The following DMWD variants were observed in gnomAD, a reference collection of about 807,000 sequenced individuals.
DMWD encodes the protein dystrophia myotonica WD repeat-containing protein.
In DMWD, 19 loss-of-function variants were observed where a neutral mutation model predicts 45.8. That is an observed-to-expected ratio of 0.41 (90% CI 0.29 to 0.61). DMWD has a LOEUF of 0.61. Ranked by LOEUF, DMWD falls within the 20% of genes least tolerant of loss-of-function variation. The pLI, the probability that DMWD is intolerant of heterozygous loss-of-function variation, is 0.25. For synonymous variants in DMWD, 515 were observed against 440.5 expected (o/e 1.17, Z -2.12); for missense variants, 802 against 965.2 (o/e 0.83, Z 2.24).
At position 45,786,235 on chromosome 19, in the gene DMWD, G is replaced by A. The variant is rs1334799004; in HGVS notation, c.1261C>T (p.Leu421=). 6.2e-7 allele frequency: 1 copy of A among 1,610,706 alleles called. No homozygotes were observed. Among genetic ancestry groups the A allele is most frequent in the South Asian group, 1.1e-5 (1 of 90,894 alleles). The change falls in exon 3 of 5, where the codon CTG becomes TTG. Residue 421 remains leucine (L), a synonymous_variant. Coordinates refer to ENST00000270223, the MANE Select transcript of DMWD (RefSeq NM_004943.2). Reference sequence around the variant, plus strand: ...TAAGTAATGGAGCCAGCCTTGGGCAGTGGAGAGAGCGGGGCGCCCCCGGCC... The same window carrying A: ...TAAGTAATGGAGCCAGCCTTGGGCAATGGAGAGAGCGGGGCGCCCCCGGCC... ...GSAGGAPLSP[L]PKAGSITYRF... is the part of the protein sequence containing the mutation.
At chr19:45,787,918 A>G (rs1473474083) in intron 2 of DMWD, among the ~76,000 whole-genome samples, 1 of 152,180 alleles carries the variant, frequency 6.6e-6, no homozygotes, top group African/African-American at 2.4e-5. Context: ...AATCTCTACT[A>G]AAAATACAAA....
chr19:45,786,734 G>A lies in DMWD; in HGVS notation c.762C>T (p.Tyr254=), dbSNP rs766537439. The change falls in exon 3 of 5, where the codon TAC becomes TAT. Residue 254 remains tyrosine, a synonymous_variant. Coordinates refer to ENST00000270223, the MANE Select transcript of DMWD (RefSeq NM_004943.2). ...SHPCASAPPQ[Y]SLLKQGEGFS... ...AGCCCTCGCCCTGCTTCAGCAGGCT[G>A]TACTGGGGCGGGGCCGAGGCGCAGG... is the stretch of plus-strand genomic sequence containing the variant. The A allele has an allele frequency of 5.6e-6, 9 of 1,613,890 alleles. No individual in the cohort carries two copies. Among genetic ancestry groups the A allele is most frequent in the South Asian group, 2.2e-5 (2 of 91,076 alleles).
In DMWD at chr19:45,792,685, C is replaced by A. The variant is rs1330243443; in HGVS notation, c.72G>T (p.Ser24=). ...AAMGDCAEIK[S]QFRTREGFYK... is the part of the protein sequence containing the mutation. ...AGAAACCCTCGCGCGTGCGGAATTG[C>A]GACTTAATCTCCGCGCAGTCCCCCA... The change falls in exon 1 of 5, where the codon TCG becomes TCT. Residue 24 remains serine, a synonymous_variant. Coordinates refer to ENST00000270223, the MANE Select transcript of DMWD (RefSeq NM_004943.2). 2 of 1,290,288 alleles carry A rather than the reference C, an allele frequency of 1.6e-6. No homozygotes were observed. Among genetic ancestry groups the A allele is most frequent in the Admixed American group, 2.7e-5 (1 of 36,840 alleles). 79.9% of individuals were successfully genotyped at this position (1,290,288 alleles called of 1,614,324 possible).
At chr19:45,788,912 G>C (rs1329775148) in intron 2 of DMWD, among the ~76,000 whole-genome samples, 1 of 148,998 alleles carries the variant, frequency 6.7e-6, no homozygotes, top group Non-Finnish European at 1.5e-5. Context: ...ATGGACGACA[G>C]AGTGAGACCC....
intron 2 of DMWD, chr19:45,790,665 T>A (rs12975606): frequency 1.6e-5 from 6 of 370,614 alleles, no homozygotes; most frequent in Admixed American, 8.5e-5. Flanking sequence ...AATAAATAAA[T>A]AAAAGAAAGA....
chr19:45,791,603 T>G (rs1458531730), intron 1 of DMWD, among the ~76,000 whole-genome samples: 1 of 152,134 alleles, frequency 6.6e-6, no homozygotes, highest in African/African-American at 2.4e-5. Context: ...CTCCCACATT[T>G]TAGGCCCATT....
At chr19:45,788,910 C>G (rs1271283871) in intron 2 of DMWD, among the ~76,000 whole-genome samples, 1 of 148,568 alleles carries the variant, frequency 6.7e-6, no homozygotes, top group Non-Finnish European at 1.5e-5. Context: ...GCATGGACGA[C>G]AGAGTGAGAC....
At chr19:45,790,074 C>T (rs1970334748) in intron 2 of DMWD, 1 of 152,188 alleles carries the variant, frequency 6.6e-6, no homozygotes, top group Non-Finnish European at 1.5e-5. Context: ...TGGCGTGAAC[C>T]CGGGAGGCAG....
At chr19:45,784,600 G>T in intron 4 of DMWD, 41 bp downstream of exon 4, 1 of 1,613,856 alleles carries the variant, frequency 6.2e-7, no homozygotes, top group Non-Finnish European at 8.5e-7. Flanking sequence ...ACTTGGGAGG[G>T]ACCCTGAGGT....
rs1350718899 is a variant in DMWD, at chr19:45,786,718, C to T, written c.778G>A (p.Gly260Ser). 6.2e-7 allele frequency: 1 copy of T among 1,612,960 alleles called. No individual in the cohort carries two copies. Among genetic ancestry groups the T allele is most frequent in the Admixed American group, 1.7e-5 (1 of 60,002 alleles). The change falls in exon 3 of 5, where the codon GGC becomes AGC. Residue 260 changes from glycine (G) to serine (S), a missense_variant. Gly to Ser is a moderately conservative substitution (Grantham distance 56, BLOSUM62 0). Coordinates refer to ENST00000270223, the MANE Select transcript of DMWD (RefSeq NM_004943.2). ...APPQYSLLKQGEGFSVYAAKS... is the reference protein window; with the variant it reads ...APPQYSLLKQSEGFSVYAAKS... ...GCAGCATAGACAGAGAAGCCCTCGC[C>T]CTGCTTCAGCAGGCTGTACTGGGGC...
Position 45,792,764 on chromosome 19 carries a change from G to GC in DMWD, c.-9dup, listed in dbSNP as rs1407277952. 6.2e-6 allele frequency: 7 copies of GC among 1,120,112 alleles called. No homozygotes were observed. Among genetic ancestry groups the GC allele is most frequent in the Admixed American group, 5.0e-5 (1 of 20,150 alleles). The allele number at this position is 1,120,112 out of a possible 1,614,324, so 69.4% of individuals were successfully genotyped here. A position where few individuals can be genotyped will look rare whatever the true frequency, so the allele number is the denominator to read the frequency against. ...CGCGCCGCCCGCCGCCATCTTGGGC[G>GC]CCCCCCGGGCCCCGCCACTGCCGGA... On this transcript the variant is annotated 5_prime_UTR_variant, in exon 1 of 5. Coordinates refer to ENST00000270223, the MANE Select transcript of DMWD (RefSeq NM_004943.2).
chr19:45,791,693 G>C (rs1343990788), intron 1 of DMWD, among the ~76,000 whole-genome samples: 1 of 150,924 alleles, frequency 6.6e-6, no homozygotes, highest in East Asian at 1.9e-4. Context: ...CATCGCTTTA[G>C]AGATGTCCTG....
chr19:45,783,559 C>G lies in DMWD; in HGVS notation c.*684G>C, dbSNP rs1970213996. 3 of 398,392 alleles carry G rather than the reference C, an allele frequency of 7.5e-6. No individual in the cohort carries two copies. The highest frequency in any genetic ancestry group is 8.8e-6 in the Non-Finnish European group (2 of 226,066). The allele number at this position is 398,392 out of a possible 1,614,324, so 24.7% of individuals were successfully genotyped here. On this transcript the variant is annotated 3_prime_UTR_variant, in exon 5 of 5. Transcript: ENST00000270223. ...GGTGTGGGTCACCAGTTGTGTGACT[C>G]GCAGGTCCGTTCCCTCCCTGGGCTC...
intron 2 of DMWD, among the ~76,000 whole-genome samples, chr19:45,788,994 TA>T (rs1393481482): frequency 1.3e-5 from 2 of 151,650 alleles, no homozygotes; most frequent in Non-Finnish European, 2.9e-5. Flanking sequence ...TTCAGGTCTT[TA>T]TTTCAGTATC....
rs1434502883 is a variant in DMWD, at chr19:45,786,055, G to A, written c.1441C>T (p.Pro481Ser). The change falls in exon 3 of 5, where the codon CCT (proline) becomes TCT (serine). Residue 481 changes from proline (P) to serine (S), a missense_variant. Transcript: ENST00000270223. ...GAGCGAGGCAGGGGGCCTGGGCCAG[G>A]CTCGCCACCCCTCGAGCTGCTGGCG... ...PAASSSRGGE[P>S]GPGPLPRSLS... The A allele has an allele frequency of 2.0e-6, 3 of 1,528,446 alleles. No homozygotes were observed. The Admixed American group carries it at 6.1e-5, about 31-fold the overall frequency. 94.7% of individuals were successfully genotyped at this position (1,528,446 alleles called of 1,614,324 possible). A position where few individuals can be genotyped will look rare whatever the true frequency, so the allele number is the denominator to read the frequency against.
intron 2 of DMWD, 168 bp from the exon 3 acceptor site, chr19:45,787,039 C>G: frequency 8.3e-7 from 1 of 1,199,824 alleles, no homozygotes; most frequent in East Asian, 2.6e-5. Flanking sequence ...CTGGGGAAGA[C>G]AGATGGACAC....
intron 1 of DMWD, 31 bp downstream of exon 1, chr19:45,792,285 C>T (rs1006625825): frequency 1.3e-6 from 2 of 1,593,610 alleles, no homozygotes; most frequent in Non-Finnish European, 1.7e-6. Context: ...ATCCTTTCAG[C>T]ACCCAGGGCC....
In DMWD at chr19:45,785,086, TCA is replaced by T. The variant is rs147615152; in HGVS notation, c.1903-373_1903-372del. The stretch of plus-strand genomic sequence containing the variant: ...AGAGGGGGCAGTGACTTGTCCAGGG[TCA>T]CAGAGGGAGTGGGACTGGAACCCAG... On this transcript the variant is annotated intron_variant, in intron 3 of 4. Coordinates refer to ENST00000270223, the MANE Select transcript of DMWD (RefSeq NM_004943.2). Among the ~76,000 whole-genome samples the T allele has an allele frequency of 6.2e-4, 95 of 152,162 alleles. 1 individual carries two copies. The highest frequency in any genetic ancestry group is 2.3e-3 in the African/African-American group (94 of 41,510).
intron 1 of DMWD, 50 bp from the exon 2 acceptor site, chr19:45,791,137 G>A (rs769283540): frequency 5.9e-6 from 9 of 1,537,962 alleles, no homozygotes; most frequent in Non-Finnish European, 4.4e-6. Context: ...CTGAGGAGAA[G>A]GAAGAGGATG....
Sources: gnomAD v4.1 joint callset for allele counts (sites outside exome capture counted in the v4.1 genomes callset) on GRCh38, gnomAD v4.1.1 for gene constraint, MANE v1.5 for transcripts, NCBI Gene and HGNC (gene_info 2026-07-23, HGNC 2026-07-21) for gene names.